The following PTPRA variants were observed in gnomAD, a reference collection of about 807,000 sequenced individuals.
PTPRA encodes the protein receptor-type tyrosine-protein phosphatase alpha.
A neutral mutation model predicts 104.8 loss-of-function variants in PTPRA; 25 were observed. The observed-to-expected ratio is 0.24, with a 90% CI of 0.17 to 0.33. The LOEUF is 0.33. Ranked by LOEUF, PTPRA falls within the 10% of genes least tolerant of loss-of-function variation. The pLI is 1.00. For synonymous variants in PTPRA, 323 were observed against 368.9 expected (o/e 0.88, Z 1.43); for missense variants, 765 against 1,015.3 (o/e 0.75, Z 3.35).
chr20:2,912,390 G>A lies in PTPRA; in HGVS notation c.-128-10817G>A, dbSNP rs148815093. On this transcript the variant is annotated intron_variant, in intron 1 of 23. Coordinates refer to ENST00000399903, the MANE Select transcript of PTPRA (RefSeq NM_001385305.1). The stretch of plus-strand genomic sequence containing the variant: ...AATTATCCTAGCACTTTGGGAGGCC[G>A]AGGCAAGTGGATTGCTTGAGCTCAG... 5.4e-4 allele frequency among the ~76,000 whole-genome samples: 82 copies of A among 151,884 alleles called. 1 individual carries two copies. In the East Asian group the frequency reaches 0.01, roughly 19 times the overall value.
At chr20:2,967,936 G>A (rs1255876203) in intron 5 of PTPRA, among the ~76,000 whole-genome samples, 3 of 152,198 alleles carry the variant, frequency 2.0e-5, no homozygotes, top group African/African-American at 7.2e-5. Flanking sequence ...AGTGAGATCT[G>A]TTAGATAATC....
chr20:3,031,236 A>G (rs926518003), intron 20 of PTPRA, among the ~76,000 whole-genome samples: 4 of 152,150 alleles, frequency 2.6e-5, no homozygotes, highest in Non-Finnish European at 5.9e-5. Context: ...GACATAAGAC[A>G]TAAGAGACTT....
intron 2 of PTPRA, among the ~76,000 whole-genome samples, chr20:2,925,286 C>T (rs1298727918): frequency 6.6e-6 from 1 of 152,148 alleles, no homozygotes; most frequent in Non-Finnish European, 1.5e-5. Context: ...TCATATTTGT[C>T]ATTTGACATC....
At chr20:2,890,626 CAG>C (rs1179794659) in intron 1 of PTPRA, among the ~76,000 whole-genome samples, 3 of 152,102 alleles carry the variant, frequency 2.0e-5, no homozygotes, top group East Asian at 1.9e-4. Flanking sequence ...CTGATTTTAA[CAG>C]GGGAGAGTGT....
chr20:2,944,708 C>T (rs1417640503), intron 2 of PTPRA, among the ~76,000 whole-genome samples: 2 of 152,192 alleles, frequency 1.3e-5, no homozygotes, highest in South Asian at 2.1e-4. Flanking sequence ...TGGGATTTTA[C>T]GTAGCCATCT....
chr20:2,905,289 G>A (rs2147146050), intron 1 of PTPRA, among the ~76,000 whole-genome samples: 1 of 152,258 alleles, frequency 6.6e-6, no homozygotes, highest in Non-Finnish European at 1.5e-5. Context: ...GCTGATAATA[G>A]AGTATATATA....
intron 2 of PTPRA, among the ~76,000 whole-genome samples, chr20:2,940,338 A>G (rs2060865099): frequency 6.6e-6 from 1 of 150,970 alleles, no homozygotes. Flanking sequence ...TTTTTTTTTA[A>G]AGAGACCGGG....
chr20:2,897,201 G>A (rs1433301146), intron 1 of PTPRA, among the ~76,000 whole-genome samples: 1 of 152,188 alleles, frequency 6.6e-6, no homozygotes, highest in Non-Finnish European at 1.5e-5. Context: ...TGGTTAGTAA[G>A]TAATAATGCA....
At chr20:2,979,049 A>G (rs1451693543) in intron 6 of PTPRA, among the ~76,000 whole-genome samples, 1 of 152,146 alleles carries the variant, frequency 6.6e-6, no homozygotes, top group Non-Finnish European at 1.5e-5. Flanking sequence ...GGAGGGTGCT[A>G]TTATGCTTCC....
intron 9 of PTPRA, among the ~76,000 whole-genome samples, chr20:2,989,417 G>A (rs1280484047): frequency 2.0e-5 from 3 of 152,158 alleles, no homozygotes; most frequent in Non-Finnish European, 4.4e-5. Flanking sequence ...TGGCGACAGA[G>A]CGAGACTCCA....
chr20:2,910,231 A>G (rs1409850808), intron 1 of PTPRA, among the ~76,000 whole-genome samples: 1 of 128,986 alleles, frequency 7.8e-6, no homozygotes, highest in Non-Finnish European at 1.6e-5. Context: ...TATAATATGT[A>G]TTGTATATTA....
intron 5 of PTPRA, among the ~76,000 whole-genome samples, chr20:2,968,773 G>T (rs982880993): frequency 2.6e-5 from 4 of 152,054 alleles, no homozygotes; most frequent in Non-Finnish European, 5.9e-5. Flanking sequence ...AATTAGCAGG[G>T]CCTAATGGCT....
upstream of PTPRA, among the ~76,000 whole-genome samples, chr20:2,872,370 C>G (rs2089450892): frequency 6.6e-6 from 1 of 152,330 alleles, no homozygotes; most frequent in Middle Eastern, 3.4e-3. This position sits in a 1 kb window ranked among gnomAD's most constrained non-coding sequence, Gnocchi z 7.9. Flanking sequence ...AGGGGTTGCC[C>G]GGTCTGGAGG....
At chr20:2,982,927 T>C (rs1213255591) in intron 6 of PTPRA, among the ~76,000 whole-genome samples, 1 of 152,090 alleles carries the variant, frequency 6.6e-6, no homozygotes, top group East Asian at 1.9e-4. Context: ...CTCGAATTCT[T>C]GACCTCATGA....
chr20:2,897,964 G>A (rs1201902035), intron 1 of PTPRA, among the ~76,000 whole-genome samples: 2 of 143,490 alleles, frequency 1.4e-5, no homozygotes, highest in Non-Finnish European at 3.0e-5. Flanking sequence ...CCAGGCTGGG[G>A]TGCAATGGCG....
At chr20:2,887,661 A>C (rs1047876266) in intron 1 of PTPRA, among the ~76,000 whole-genome samples, 78 of 152,354 alleles carry the variant, frequency 5.1e-4, no homozygotes, top group African/African-American at 1.5e-3. Context: ...TAGCTTAACG[A>C]GCAACTAATT....
intron 2 of PTPRA, among the ~76,000 whole-genome samples, chr20:2,926,829 C>T (rs113388020): frequency 0.055 from 6,706 of 121,944 alleles, 174 homozygotes; most frequent in Middle Eastern, 0.15. Flanking sequence ...CTTGGTCTGT[C>T]GCTCAGGCTG....
intron 5 of PTPRA, among the ~76,000 whole-genome samples, chr20:2,972,344 A>G: frequency 6.6e-6 from 1 of 152,140 alleles, no homozygotes; most frequent in African/African-American, 2.4e-5. Context: ...GCTAAGGACT[A>G]TAGGCGCATG....
At chr20:3,004,258 T>C (rs2063760064) in intron 9 of PTPRA, among the ~76,000 whole-genome samples, 1 of 152,120 alleles carries the variant, frequency 6.6e-6, no homozygotes, top group Non-Finnish European at 1.5e-5. Flanking sequence ...CCTCAGGTGA[T>C]CCACCCGCCT....
Sources: allele counts gnomAD v4.1 joint callset (sites outside exome capture counted in the v4.1 genomes callset), GRCh38; gene constraint gnomAD v4.1.1; non-coding constraint Gnocchi (gnomAD v3.1); transcripts MANE v1.5; gene names NCBI Gene and HGNC (gene_info 2026-07-23, HGNC 2026-07-21).